NRDC: variants seen among roughly 807,000 people sequenced by gnomAD.
NRDC encodes the protein nardilysin.
Under a neutral mutation model 147.1 loss-of-function variants are expected in NRDC, and 54 were observed. The ratio of observed to expected loss-of-function variants is 0.37; its 90% confidence interval spans 0.29 to 0.46. The LOEUF (loss-of-function observed/expected upper bound fraction) is 0.46, where lower values mean the gene tolerates loss of function less well. NRDC is among the 20% of genes least tolerant of loss of function. The probability of loss-of-function intolerance (pLI) is 1.00; values close to 1 mark genes in which losing one functional copy is unlikely to be tolerated. For synonymous variants in NRDC, 440 were observed against 482.1 expected, an observed-to-expected ratio of 0.91 and a Z score of 1.14; for missense variants, 1,082 against 1,370.6, an observed-to-expected ratio of 0.79 and a Z score of 3.33.
Position 51,794,848 on chromosome 1 carries a change from T to C in NRDC, c.2611A>G (p.Met871Val). Residue 871 changes from methionine (M) to valine (V), a missense_variant, in exon 23 of 31, where the codon ATG (methionine) becomes GTG (valine). Around this residue, in one of 3 missense-constraint regions of NRDC, gnomAD observed 635 missense variants for 923.8 expected, o/e 0.69. Transcript: ENST00000352171. The stretch of plus-strand genomic sequence containing the variant: ...TCAACAACATATTTCAGGAAATCCA[T>C]AGATTCCTAAGAGGCAAAAGAGAAT... ...VQGNVTSTES[M>V]DFLKYVVDKL... The C allele has an allele frequency of 1.2e-6, 2 of 1,614,032 alleles. No individual in the cohort carries two copies. Among genetic ancestry groups the C allele is most frequent in the Non-Finnish European group, 1.7e-6 (2 of 1,179,972 alleles).
chr1:51,863,622 T>C (rs1682660798), intron 1 of NRDC, among the ~76,000 whole-genome samples: 1 of 152,140 alleles, frequency 6.6e-6, no homozygotes, highest in South Asian at 2.1e-4. Context: ...CAGAAGTGCC[T>C]TCCAGACCTT....
At chr1:51,794,877 T>C (rs2149186613) in intron 22 of NRDC, 23 bp from the exon 23 acceptor site, 1 of 1,613,046 alleles carries the variant, frequency 6.2e-7, no homozygotes, top group Non-Finnish European at 8.5e-7. Context: ...AGAGAATAAC[T>C]ACATTAAGCT....
At chr1:51,852,586 AG>A (rs1252977150) in intron 1 of NRDC, among the ~76,000 whole-genome samples, 1 of 89,078 alleles carries the variant, frequency 1.1e-5, no homozygotes, top group East Asian at 4.1e-4. Flanking sequence ...TTTTTTTAAT[AG>A]TTTTATATAT....
intron 1 of NRDC, among the ~76,000 whole-genome samples, chr1:51,851,022 A>C (rs1008878584): frequency 1.3e-5 from 2 of 152,188 alleles, no homozygotes; most frequent in African/African-American, 2.4e-5. Flanking sequence ...TCTGTACCAC[A>C]TAAGTCCCTG....
intron 1 of NRDC, chr1:51,862,242 G>A (rs1044063852): frequency 8.6e-5 from 13 of 151,394 alleles, no homozygotes; most frequent in African/African-American, 2.9e-4. Context: ...TACGTATATA[G>A]GGCTTTCCCC....
At chr1:51,833,987 T>A in intron 4 of NRDC, 30 bp downstream of exon 4, 2 of 1,592,972 alleles carry the variant, frequency 1.3e-6, no homozygotes, top group South Asian at 1.1e-5. Context: ...ATTAGATCAT[T>A]AAAATTAAAG....
At chr1:51,858,994 T>C (rs1682398263) in intron 1 of NRDC, among the ~76,000 whole-genome samples, 1 of 152,228 alleles carries the variant, frequency 6.6e-6, no homozygotes, top group South Asian at 2.1e-4. Context: ...CATCATTTTT[T>C]CCTTGGTTTG....
At chr1:51,876,046 A>G (rs976300155) in intron 1 of NRDC, among the ~76,000 whole-genome samples, 1 of 152,264 alleles carries the variant, frequency 6.6e-6, no homozygotes, top group Non-Finnish European at 1.5e-5. Context: ...GGTATTTATC[A>G]AACAAATTTA....
chr1:51,815,086 T>C (rs1216766358), intron 11 of NRDC, among the ~76,000 whole-genome samples: 3 of 152,020 alleles, frequency 2.0e-5, no homozygotes, highest in Non-Finnish European at 4.4e-5. Flanking sequence ...AATAAAACAT[T>C]AACAGTTTTA....
chr1:51,873,396 A>AAT (rs1683172848), intron 1 of NRDC, among the ~76,000 whole-genome samples: 1 of 152,152 alleles, frequency 6.6e-6, no homozygotes, highest in Non-Finnish European at 1.5e-5. Context: ...CACAGCATAT[A>AAT]ATAGTAAACA....
chr1:51,869,945 A>G (rs1683005277), intron 1 of NRDC, among the ~76,000 whole-genome samples: 2 of 152,280 alleles, frequency 1.3e-5, no homozygotes, highest in East Asian at 3.9e-4. Flanking sequence ...GAGGGATCTC[A>G]TTTTGTTGCC....
chr1:51,813,082 G>A (rs1372846869), intron 14 of NRDC, among the ~76,000 whole-genome samples: 1 of 151,726 alleles, frequency 6.6e-6, no homozygotes, highest in Non-Finnish European at 1.5e-5. Flanking sequence ...TTTGAGGTAA[G>A]CCTGGGCAAC....
chr1:51,871,921 A>G (rs1190347794), intron 1 of NRDC, among the ~76,000 whole-genome samples: 3 of 152,106 alleles, frequency 2.0e-5, no homozygotes, highest in Admixed American at 6.5e-5. Context: ...CCCAGCCTAG[A>G]GTGCAGTGGG....
intron 1 of NRDC, among the ~76,000 whole-genome samples, chr1:51,853,216 CAA>C (rs942070091): frequency 1.5e-4 from 22 of 143,608 alleles, no homozygotes; most frequent in South Asian, 6.9e-4. Flanking sequence ...AGACTGTCTC[CAA>C]AAAAAAATAT....
intron 1 of NRDC, among the ~76,000 whole-genome samples, chr1:51,863,762 G>A (rs1225053985): frequency 6.6e-6 from 1 of 152,010 alleles, no homozygotes; most frequent in Non-Finnish European, 1.5e-5. Flanking sequence ...AATGTTAAAA[G>A]GAAAAAATAT....
intron 1 of NRDC, among the ~76,000 whole-genome samples, chr1:51,857,400 C>T (rs1343122001): frequency 6.6e-6 from 1 of 152,162 alleles, no homozygotes; most frequent in African/African-American, 2.4e-5. Flanking sequence ...CTCTCTGAAC[C>T]TATTCTGGTT....
chr1:51,829,415 T>C (rs1000225767), intron 4 of NRDC, among the ~76,000 whole-genome samples: 8 of 152,262 alleles, frequency 5.3e-5, no homozygotes, highest in African/African-American at 1.7e-4. Flanking sequence ...TTGGTAGTTA[T>C]TTTCCTTCAG....
intron 1 of NRDC, among the ~76,000 whole-genome samples, chr1:51,868,678 C>T (rs1019478259): frequency 1.3e-5 from 2 of 151,978 alleles, no homozygotes; most frequent in African/African-American, 4.8e-5. Context: ...TCCAGGAATT[C>T]GAGACCAGGC....
chr1:51,836,552 A>G, intron 2 of NRDC: 2 of 852,608 alleles, frequency 2.3e-6, no homozygotes, highest in Non-Finnish European at 3.7e-6. Flanking sequence ...TTTTCCCTGA[A>G]TTACTAGATT....
Sources: gnomAD v4.1 joint callset for allele counts (sites outside exome capture counted in the v4.1 genomes callset) on GRCh38, gnomAD v4.1.1 for gene constraint, gnomAD v4.1.1 regional missense constraint, MANE v1.5 for transcripts, NCBI Gene and HGNC (gene_info 2026-07-23, HGNC 2026-07-21) for gene names.